DNM3: variants seen among roughly 807,000 people sequenced by gnomAD.
DNM3 encodes dynamin 3.
A neutral mutation model predicts 101.6 loss-of-function variants in DNM3; 47 were observed. That is an observed-to-expected ratio of 0.46 (90% CI 0.37 to 0.59). The LOEUF is 0.59. Ranked by LOEUF, DNM3 falls within the 20% of genes least tolerant of loss-of-function variation. The pLI is 0.00. For missense variants in DNM3, 849 were observed against 1,085.7 expected, an observed-to-expected ratio of 0.78 and a Z score of 3.06; for synonymous variants, 385 against 387.9, an observed-to-expected ratio of 0.99 and a Z score of 0.09.
At chr1:172,081,778 T>A (rs2053167397) in intron 11 of DNM3, 54 bp from the exon 12 acceptor site, 1 of 1,436,256 alleles carries the variant, frequency 7.0e-7, no homozygotes, top group Non-Finnish European at 9.7e-7. Context: ...CTGAATTTAA[T>A]GTTTGAGAAT....
intron 18 of DNM3, among the ~76,000 whole-genome samples, chr1:172,386,399 A>C (rs1196010423): frequency 6.6e-6 from 1 of 152,200 alleles, no homozygotes; most frequent in Non-Finnish European, 1.5e-5. Flanking sequence ...TTCATCCTGC[A>C]ACAAAATGCC....
chr1:172,307,180 C>T (rs1280716169), intron 15 of DNM3, among the ~76,000 whole-genome samples: 1 of 151,648 alleles, frequency 6.6e-6, no homozygotes, highest in African/African-American at 2.4e-5. Context: ...CAAATTTTAC[C>T]AGAAAAAATA....
chr1:172,372,148 G>A lies in DNM3; in HGVS notation c.1894-6870G>A, dbSNP rs529066376. On this transcript the variant is annotated intron_variant, in intron 17 of 20. Transcript: ENST00000627582. Reference sequence around the variant, plus strand: ...ATCTCATTGTTCAATTCCCACCTAGGAGTGAGAATATGCGGTGTTTGGTTT... The same window carrying A: ...ATCTCATTGTTCAATTCCCACCTAGAAGTGAGAATATGCGGTGTTTGGTTT... 1.3e-4 allele frequency among the ~76,000 whole-genome samples: 18 copies of A among 141,048 alleles called. No individual in the cohort carries two copies. In the South Asian group the frequency reaches 3.3e-3, roughly 26 times the overall value. 92.5% of individuals were successfully genotyped at this position (141,048 alleles called of 152,430 possible). A position where few individuals can be genotyped will look rare whatever the true frequency, so the allele number is the denominator to read the frequency against.
intron 2 of DNM3, among the ~76,000 whole-genome samples, chr1:171,971,450 A>G (rs2043986592): frequency 6.6e-6 from 1 of 152,064 alleles, no homozygotes; most frequent in Non-Finnish European, 1.5e-5. Context: ...CTTTTGCTTA[A>G]TTTTCACAAG....
At chr1:172,181,179 C>T (rs2059330181) in intron 14 of DNM3, among the ~76,000 whole-genome samples, 1 of 152,056 alleles carries the variant, frequency 6.6e-6, no homozygotes, top group South Asian at 2.1e-4. Flanking sequence ...TGCTTCTCCA[C>T]CATCTCTAAG....
At chr1:172,223,272 CTTT>C (rs398049746) in intron 14 of DNM3, among the ~76,000 whole-genome samples, 7 of 135,548 alleles carry the variant, frequency 5.2e-5, no homozygotes, top group Admixed American at 1.5e-4. Context: ...TTTTTCTTTT[CTTT>C]TTTTTTTTTT....
chr1:172,288,614 G>C (rs1411599186), intron 15 of DNM3, among the ~76,000 whole-genome samples: 1 of 152,166 alleles, frequency 6.6e-6, no homozygotes, highest in East Asian at 1.9e-4. Flanking sequence ...ATGGAATAGA[G>C]GAATAAATGG....
chr1:172,077,692 G>A (rs1407290340), intron 11 of DNM3, among the ~76,000 whole-genome samples: 1 of 152,118 alleles, frequency 6.6e-6, no homozygotes, highest in East Asian at 1.9e-4. Context: ...TATGATTTCT[G>A]TTCTTTTGCA....
intron 14 of DNM3, chr1:172,139,083 A>G (rs2057419974): frequency 2.8e-6 from 1 of 353,652 alleles, no homozygotes; most frequent in Admixed American, 3.9e-5. Flanking sequence ...AAGTACATTT[A>G]TACATTTGTT....
At chr1:171,973,956 C>T (rs1318567923) in intron 2 of DNM3, among the ~76,000 whole-genome samples, 4 of 152,080 alleles carry the variant, frequency 2.6e-5, no homozygotes, top group African/African-American at 4.8e-5. Flanking sequence ...TGAGCCACCA[C>T]TCGTCGCCCA....
At chr1:172,111,279 G>A (rs1289576486) in intron 13 of DNM3, among the ~76,000 whole-genome samples, 1 of 152,136 alleles carries the variant, frequency 6.6e-6, no homozygotes, top group Non-Finnish European at 1.5e-5. Context: ...GTTTACAGTA[G>A]CCCTTGGTGT....
At chr1:172,150,481 G>A (rs560562363) in intron 14 of DNM3, among the ~76,000 whole-genome samples, 1 of 152,234 alleles carries the variant, frequency 6.6e-6, no homozygotes, top group South Asian at 2.1e-4. Flanking sequence ...ACTGTTTTCT[G>A]AATTTAGAGG....
At chr1:172,121,767 C>G (rs1196246317) in intron 13 of DNM3, among the ~76,000 whole-genome samples, 1 of 152,086 alleles carries the variant, frequency 6.6e-6, no homozygotes, top group South Asian at 2.1e-4. Flanking sequence ...TACAGAGGAA[C>G]CAGGGAAACA....
At chr1:172,011,063 T>G (rs6699125) in intron 4 of DNM3, among the ~76,000 whole-genome samples, 11,403 of 151,980 alleles carry the variant, frequency 0.075, 528 homozygotes, top group Non-Finnish European at 0.1. Context: ...AGCAGATAGC[T>G]ATCTTACTTG....
chr1:172,114,778 G>A (rs2055767182), intron 13 of DNM3, among the ~76,000 whole-genome samples: 1 of 152,050 alleles, frequency 6.6e-6, no homozygotes, highest in Non-Finnish European at 1.5e-5. Context: ...GATGGAGCTG[G>A]GTGTAGATGA....
At chr1:172,359,149 C>CACACACACACACAT (rs375352525) in intron 17 of DNM3, among the ~76,000 whole-genome samples, 4,308 of 150,960 alleles carry the variant, frequency 0.029, 72 homozygotes, top group Middle Eastern at 0.037. Context: ...CACACACACA[C>CACACACACACACAT]ACACACACAC....
intron 1 of DNM3, among the ~76,000 whole-genome samples, chr1:171,878,247 A>G (rs2035955153): frequency 6.6e-6 from 1 of 152,150 alleles, no homozygotes; most frequent in Non-Finnish European, 1.5e-5. Context: ...AAACCATGTG[A>G]GATCATTTTT....
chr1:171,884,130 AAG>A (rs766589242), intron 1 of DNM3, among the ~76,000 whole-genome samples: 7 of 152,202 alleles, frequency 4.6e-5, no homozygotes, highest in Non-Finnish European at 7.3e-5. Flanking sequence ...CCCTGAGAGA[AAG>A]AGAAAGTTTC....
chr1:172,353,760 A>G (rs1017793669), intron 17 of DNM3, among the ~76,000 whole-genome samples: 1 of 152,174 alleles, frequency 6.6e-6, no homozygotes, highest in Non-Finnish European at 1.5e-5. Context: ...TACTTATATC[A>G]TGAAGCTGGT....
Sources: allele counts gnomAD v4.1 joint callset (sites outside exome capture counted in the v4.1 genomes callset), GRCh38; gene constraint gnomAD v4.1.1; transcripts MANE v1.5; gene names NCBI Gene and HGNC (gene_info 2026-07-23, HGNC 2026-07-21).